Variants in SNTG1 observed in about 807,000 individuals in gnomAD.
SNTG1 encodes the protein syntrophin gamma 1.
Under a neutral mutation model 74.7 loss-of-function variants are expected in SNTG1, and 39 were observed. That is an observed-to-expected ratio of 0.52 (90% CI 0.40 to 0.68). SNTG1 has a LOEUF of 0.68. Among genes scored for constraint, SNTG1 ranks in the 30% least tolerant of loss-of-function variants. SNTG1 has a pLI of 0.00. For synonymous variants in SNTG1, 254 were observed against 217.1 expected (o/e 1.17, Z -1.49); for missense variants, 685 against 609.5 (o/e 1.12, Z -1.30).
intron 13 of SNTG1, among the ~76,000 whole-genome samples, chr8:50,626,914 TC>T (rs1271380702): frequency 6.6e-6 from 1 of 152,164 alleles, no homozygotes; most frequent in East Asian, 1.9e-4. Context: ...TTATGTTTTA[TC>T]TTTTTGAGTC....
At chr8:50,149,232 G>A (rs2081978647) in intron 1 of SNTG1, among the ~76,000 whole-genome samples, 1 of 152,116 alleles carries the variant, frequency 6.6e-6, no homozygotes, top group African/African-American at 2.4e-5. Context: ...ACTTTTTGAT[G>A]GGGTTGTTTG....
intron 2 of SNTG1, among the ~76,000 whole-genome samples, chr8:50,206,762 G>T (rs1449020564): frequency 1.3e-5 from 2 of 151,802 alleles, no homozygotes; most frequent in East Asian, 3.9e-4. Flanking sequence ...TTTATTGAGA[G>T]TTTTTAGCAT....
chr8:50,787,531 C>G (rs541622509), intron 18 of SNTG1, among the ~76,000 whole-genome samples: 1 of 151,870 alleles, frequency 6.6e-6, no homozygotes, highest in Admixed American at 6.6e-5. Flanking sequence ...TTCCCAAACA[C>G]ACAAAAAAGA....
rs946423985 is a variant in SNTG1, at chr8:49,929,950, AGT to A, written c.-103+17721_-103+17722del. Reference sequence around the variant, plus strand: ...TCTCATTGTTCAATTCCCACCTATGAGTGAGTGTTTCCTCAAGAGGCAGAAAA... The same window carrying A: ...TCTCATTGTTCAATTCCCACCTATGAGAGTGTTTCCTCAAGAGGCAGAAAA... On this transcript the variant is annotated intron_variant, in intron 1 of 18. Coordinates refer to ENST00000642720, the MANE Select transcript of SNTG1 (RefSeq NM_018967.5). 6.9e-5 allele frequency among the ~76,000 whole-genome samples: 10 copies of A among 145,158 alleles called. No individual in the cohort carries two copies. The East Asian group carries it at 1.9e-3, about 27-fold the overall frequency.
chr8:50,187,301 A>G (rs2083420186), intron 2 of SNTG1, among the ~76,000 whole-genome samples: 1 of 152,138 alleles, frequency 6.6e-6, no homozygotes, highest in Admixed American at 6.6e-5. Context: ...ACAGCAAGGT[A>G]CTGGTACCAA....
At chr8:49,984,336 G>A (rs1188524213) in intron 1 of SNTG1, among the ~76,000 whole-genome samples, 1 of 151,968 alleles carries the variant, frequency 6.6e-6, no homozygotes, top group Non-Finnish European at 1.5e-5. Flanking sequence ...CTCCCGAGTA[G>A]CTGGGATTAC....
chr8:50,712,584 T>G (rs1171180432), intron 17 of SNTG1, among the ~76,000 whole-genome samples: 1 of 152,116 alleles, frequency 6.6e-6, no homozygotes, highest in Non-Finnish European at 1.5e-5. Flanking sequence ...GTTTGCTGTA[T>G]CCATCAACCC....
chr8:50,128,378 C>T (rs986246491), intron 1 of SNTG1, among the ~76,000 whole-genome samples: 10 of 151,920 alleles, frequency 6.6e-5, no homozygotes, highest in African/African-American at 4.8e-5. Flanking sequence ...CTAGACAGAG[C>T]GTATAGAAAG....
intron 18 of SNTG1, among the ~76,000 whole-genome samples, chr8:50,780,724 G>A (rs1440502872): frequency 6.6e-6 from 1 of 152,056 alleles, no homozygotes; most frequent in Non-Finnish European, 1.5e-5. Flanking sequence ...TCTGATTTTA[G>A]TTATTTCTTG....
intron 1 of SNTG1, among the ~76,000 whole-genome samples, chr8:50,068,529 C>A (rs776977883): frequency 6.6e-6 from 1 of 152,154 alleles, no homozygotes; most frequent in African/African-American, 2.4e-5. Context: ...GCCACACCCC[C>A]ACCCCTGCCA....
intron 1 of SNTG1, among the ~76,000 whole-genome samples, chr8:50,126,006 G>T (rs1360612870): frequency 1.1e-4 from 16 of 152,268 alleles, no homozygotes; most frequent in Admixed American, 1.0e-3. Context: ...TGGTTGTGTA[G>T]GTGAACTTTT....
At chr8:50,196,239 G>T (rs1185097552) in intron 2 of SNTG1, among the ~76,000 whole-genome samples, 6 of 152,088 alleles carry the variant, frequency 3.9e-5, no homozygotes, top group Middle Eastern at 3.2e-3. Flanking sequence ...ATAATTGTCA[G>T]AAGGCCTGGA....
intron 2 of SNTG1, among the ~76,000 whole-genome samples, chr8:50,251,534 A>G (rs926742040): frequency 1.3e-5 from 2 of 151,890 alleles, no homozygotes; most frequent in African/African-American, 4.8e-5. Context: ...ATGGAAAAAT[A>G]TATTTCATAC....
At chr8:50,163,136 C>T (rs1228215778) in intron 1 of SNTG1, among the ~76,000 whole-genome samples, 1 of 152,166 alleles carries the variant, frequency 6.6e-6, no homozygotes, top group African/African-American at 2.4e-5. Flanking sequence ...TCCAGGGAGG[C>T]CCTTTCTGGT....
intron 1 of SNTG1, among the ~76,000 whole-genome samples, chr8:50,053,969 G>C (rs555998834): frequency 6.6e-6 from 1 of 152,188 alleles, no homozygotes; most frequent in Non-Finnish European, 1.5e-5. Context: ...AGCAGGGACT[G>C]TGTCAGGCAT....
intron 2 of SNTG1, among the ~76,000 whole-genome samples, chr8:50,223,214 T>C (rs1337988284): frequency 1.9e-4 from 29 of 152,018 alleles, no homozygotes; most frequent in Non-Finnish European, 2.8e-4. Context: ...ACAGAACTGT[T>C]CTGGAATTAG....
chr8:50,677,468 C>A (rs1402543837), intron 15 of SNTG1, among the ~76,000 whole-genome samples: 1 of 151,776 alleles, frequency 6.6e-6, no homozygotes, highest in Non-Finnish European at 1.5e-5. Context: ...AATTTGGTGC[C>A]AATCTCAAGG....
chr8:50,637,637 A>G (rs2095047481), intron 13 of SNTG1, among the ~76,000 whole-genome samples: 1 of 152,104 alleles, frequency 6.6e-6, no homozygotes, highest in South Asian at 2.1e-4. Context: ...TTTACCTTTG[A>G]TCCAAGCAAT....
intron 2 of SNTG1, among the ~76,000 whole-genome samples, chr8:50,243,360 T>C (rs2086249289): frequency 6.6e-6 from 1 of 152,188 alleles, no homozygotes; most frequent in South Asian, 2.1e-4. Context: ...TTTTGAATAA[T>C]TCAATTATGG....
Sources: gnomAD v4.1 joint callset for allele counts (sites outside exome capture counted in the v4.1 genomes callset) on GRCh38, gnomAD v4.1.1 for gene constraint, MANE v1.5 for transcripts, NCBI Gene and HGNC (gene_info 2026-07-23, HGNC 2026-07-21) for gene names.